Variants in SUZ12 observed in about 807,000 individuals in gnomAD.
SUZ12 encodes SUZ12 polycomb repressive complex 2 subunit.
Under a neutral mutation model 87.3 loss-of-function variants are expected in SUZ12, and 17 were observed. The observed-to-expected ratio is 0.19, with a 90% confidence interval of 0.13 to 0.29. SUZ12 has a LOEUF of 0.29. Among genes scored for constraint, SUZ12 ranks in the 10% least tolerant of loss-of-function variants. The probability of loss-of-function intolerance (pLI) is 1.00; values close to 1 mark genes in which losing one functional copy is unlikely to be tolerated. For missense variants in SUZ12, 526 were observed against 912.2 expected, an observed-to-expected ratio of 0.58 and a Z score of 5.45; for synonymous variants, 253 against 312.4, an observed-to-expected ratio of 0.81 and a Z score of 2.01.
chr17:31,995,855 C>CT lies in SUZ12; in HGVS notation c.1794+100dup, dbSNP rs369422951. The CT allele has an allele frequency of 9.5e-4, 754 of 791,652 alleles. 1 individual carries two copies. The highest frequency in any genetic ancestry group is 1.2e-3 in the Middle Eastern group (4 of 3,274). The allele number at this position is 791,652 out of a possible 1,614,324, so 49.0% of individuals were successfully genotyped here. On this transcript the variant is annotated intron_variant, in intron 14 of 15. Coordinates refer to ENST00000322652, the MANE Select transcript of SUZ12 (RefSeq NM_015355.4). ...GAACTAGACTTTTATTGTAAAGGAACTTTTTTTAAAAAAAAAAAAAGGAAT... is the reference window on the plus strand; with the variant it reads ...GAACTAGACTTTTATTGTAAAGGAACTTTTTTTTAAAAAAAAAAAAAGGAAT...
At chr17:31,968,878 T>A (rs1298394356) in intron 5 of SUZ12, among the ~76,000 whole-genome samples, 2 of 152,232 alleles carry the variant, frequency 1.3e-5, no homozygotes, top group Non-Finnish European at 2.9e-5. Context: ...ATATTAAGCT[T>A]TTTTCCTATC....
intron 8 of SUZ12, among the ~76,000 whole-genome samples, chr17:31,982,427 C>CAAGATGGGTGGATCACGAGGGCAGG (rs1158186407): frequency 2.6e-5 from 4 of 152,054 alleles, no homozygotes; most frequent in African/African-American, 9.7e-5. Context: ...TTTAGGAGGC[C>CAAGATGGGTGGATCACGAGGGCAGG]AAGATGGGTG....
intron 3 of SUZ12, among the ~76,000 whole-genome samples, chr17:31,942,576 A>G (rs1413759642): frequency 1.3e-5 from 2 of 152,022 alleles, no homozygotes; most frequent in African/African-American, 4.8e-5. Context: ...ACCTCAGGTG[A>G]TCCACTCACC....
chr17:31,960,629 G>GT (rs908716731), intron 4 of SUZ12, among the ~76,000 whole-genome samples: 40 of 152,096 alleles, frequency 2.6e-4, no homozygotes, highest in African/African-American at 9.6e-4. Context: ...CTAGGCTGGA[G>GT]TGCAGTGGTG....
intron 4 of SUZ12, among the ~76,000 whole-genome samples, chr17:31,963,022 C>T (rs76662036): frequency 0.17 from 26,111 of 149,522 alleles, no homozygotes; most frequent in African/African-American, 0.32. Context: ...TATGGAACTT[C>T]TTCTAGAATA....
intron 1 of SUZ12, among the ~76,000 whole-genome samples, chr17:31,938,335 T>C (rs185875524): frequency 1.8e-4 from 28 of 152,342 alleles, no homozygotes. Flanking sequence ...CTTTTGTGTG[T>C]TATAATTTGG....
chr17:31,969,374 C>A (rs1444584262), intron 5 of SUZ12, among the ~76,000 whole-genome samples: 1 of 152,110 alleles, frequency 6.6e-6, no homozygotes, highest in African/African-American at 2.4e-5. Flanking sequence ...CTCTTGAACT[C>A]CCGATCTCAG....
chr17:31,937,307 G>A lies in SUZ12; in HGVS notation c.61G>A (p.Gly21Arg). 2 of 1,433,180 alleles carry A rather than the reference G, an allele frequency of 1.4e-6. No homozygotes were observed. The highest frequency in any genetic ancestry group is 1.8e-6 in the Non-Finnish European group (2 of 1,103,438). The allele number at this position is 1,433,180 out of a possible 1,614,324, so 88.8% of individuals were successfully genotyped here. A position where few individuals can be genotyped will look rare whatever the true frequency, so the allele number is the denominator to read the frequency against. ...GGGSGPSAGSGGGGFGGSAAV... is the reference protein window; with the variant it reads ...GGGSGPSAGSRGGGFGGSAAV... ...CGGCTCGGGGCCCAGCGCGGGGTCC[G>A]GGGGAGGCGGCTTCGGGGGTTCGGC... The change falls in exon 1 of 16, where the codon GGG becomes AGG. Residue 21 changes from glycine to arginine, a missense_variant. This residue lies in a region of SUZ12 where 92 missense variants were observed against 109.9 expected (regional missense o/e 0.84). Coordinates refer to ENST00000322652, the MANE Select transcript of SUZ12 (RefSeq NM_015355.4).
intron 15 of SUZ12, among the ~76,000 whole-genome samples, chr17:31,997,541 T>C (rs1399324748): frequency 6.6e-6 from 1 of 151,766 alleles, no homozygotes; most frequent in Non-Finnish European, 1.5e-5. Flanking sequence ...CACACACCTG[T>C]AATCCCAGTT....
intron 3 of SUZ12, among the ~76,000 whole-genome samples, chr17:31,941,135 GTGTC>G (rs1404007292): frequency 2.0e-5 from 3 of 151,720 alleles, no homozygotes; most frequent in South Asian, 4.2e-4. Context: ...TTGAGACAGA[GTGTC>G]TGTCCAGGTT....
At chr17:31,983,350 A>G (rs957329498) in intron 9 of SUZ12, among the ~76,000 whole-genome samples, 4 of 143,274 alleles carry the variant, frequency 2.8e-5, no homozygotes, top group Non-Finnish European at 6.0e-5. Context: ...GTCTCGGCTC[A>G]CTGCAACCTC....
chr17:31,940,354 T>A (rs375997318), intron 2 of SUZ12, 22 bp downstream of exon 2: 17 of 1,611,228 alleles, frequency 1.1e-5, no homozygotes, highest in Non-Finnish European at 1.4e-5. Flanking sequence ...ACAAAATTCA[T>A]CAATATTATT....
At chr17:31,990,637 T>G (rs950802117) in intron 10 of SUZ12, among the ~76,000 whole-genome samples, 1 of 152,070 alleles carries the variant, frequency 6.6e-6, no homozygotes, top group Admixed American at 6.6e-5. Flanking sequence ...AGTACTGGGA[T>G]TACAGGCATG....
At chr17:31,938,868 G>C (rs147830009) in intron 1 of SUZ12, among the ~76,000 whole-genome samples, 2,671 of 152,276 alleles carry the variant, frequency 0.018, 75 homozygotes, top group African/African-American at 0.06. Context: ...GGGAAGTCAA[G>C]TGTCATTAAG....
At chr17:31,985,790 G>A (rs1483651269) in intron 9 of SUZ12, among the ~76,000 whole-genome samples, 2 of 151,520 alleles carry the variant, frequency 1.3e-5, no homozygotes, top group Non-Finnish European at 2.9e-5. Flanking sequence ...AGCCTCCTGA[G>A]TAGCTGCGAT....
chr17:31,985,640 G>C (rs898780106), intron 9 of SUZ12, among the ~76,000 whole-genome samples: 1 of 147,130 alleles, frequency 6.8e-6, no homozygotes, highest in African/African-American at 2.5e-5. Context: ...TTTTGTTGTT[G>C]TTGGTTTTGT....
At chr17:31,989,698 A>G (rs1039863213) in intron 10 of SUZ12, among the ~76,000 whole-genome samples, 1 of 151,548 alleles carries the variant, frequency 6.6e-6, no homozygotes, top group Non-Finnish European at 1.5e-5. Context: ...TCCCTGGTTC[A>G]TGCCATTCTC....
intron 9 of SUZ12, among the ~76,000 whole-genome samples, chr17:31,983,328 T>C (rs1483350074): frequency 6.9e-6 from 1 of 144,694 alleles, no homozygotes; most frequent in Admixed American, 7.3e-5. Context: ...CAGGCTGGAG[T>C]GCAGTGGCAT....
At chr17:31,969,803 C>T (rs1908304931) in intron 5 of SUZ12, among the ~76,000 whole-genome samples, 1 of 152,138 alleles carries the variant, frequency 6.6e-6, no homozygotes, top group South Asian at 2.1e-4. Context: ...GGAGGCTGAG[C>T]TGGGAGGTTT....
Sources: allele counts gnomAD v4.1 joint callset (sites outside exome capture counted in the v4.1 genomes callset), GRCh38; gene constraint gnomAD v4.1.1; regional missense constraint gnomAD v4.1.1; transcripts MANE v1.5; gene names NCBI Gene and HGNC (gene_info 2026-07-23, HGNC 2026-07-21).